The following SLC1A7 variants were observed in gnomAD, a reference collection of about 807,000 sequenced individuals.
The protein encoded by SLC1A7 is excitatory amino acid transporter 5.
Under a neutral mutation model 47.7 loss-of-function variants are expected in SLC1A7, and 40 were observed. The observed-to-expected ratio is 0.84, with a 90% CI of 0.65 to 1.09. The LOEUF (loss-of-function observed/expected upper bound fraction) is 1.09. SLC1A7 is among the 50% of genes least tolerant of loss of function. The pLI is 0.00. For synonymous variants in SLC1A7, 323 were observed against 325.6 expected (o/e 0.99, Z 0.09); for missense variants, 746 against 769.5 (o/e 0.97, Z 0.36).
At chr1:53,122,945 G>T (rs79675389) in intron 2 of SLC1A7, among the ~76,000 whole-genome samples, 1 of 152,182 alleles carries the variant, frequency 6.6e-6, no homozygotes, top group Non-Finnish European at 1.5e-5. Context: ...GTGGGGCTCA[G>T]AGTGTGGGCG....
At chr1:53,097,445 TCA>T (rs566235317) in intron 5 of SLC1A7, among the ~76,000 whole-genome samples, 1 of 131,672 alleles carries the variant, frequency 7.6e-6, no homozygotes, top group Non-Finnish European at 1.6e-5. Flanking sequence ...CTCGGTACAC[TCA>T]CACACAGTGC....
intron 2 of SLC1A7, among the ~76,000 whole-genome samples, chr1:53,120,697 C>A (rs1296205721): frequency 6.6e-6 from 1 of 152,244 alleles, no homozygotes; most frequent in African/African-American, 2.4e-5. Flanking sequence ...CCTGTGCTTC[C>A]CAGTTTGTTA....
chr1:53,142,009 AC>A (rs1455945310), intron 1 of SLC1A7, among the ~76,000 whole-genome samples: 7 of 144,726 alleles, frequency 4.8e-5, no homozygotes, highest in African/African-American at 1.5e-4. Context: ...CTCACACAAG[AC>A]CCCCCTCTTT....
chr1:53,142,235 A>T (rs1238779520), intron 1 of SLC1A7, 80 bp downstream of exon 1: 1 of 1,451,676 alleles, frequency 6.9e-7, no homozygotes, highest in Non-Finnish European at 9.2e-7. Flanking sequence ...GGGAGCTGTG[A>T]TGCTAGAACG....
chr1:53,090,564 G>GT, intron 8 of SLC1A7, 48 bp downstream of exon 8: 1 of 1,496,090 alleles, frequency 6.7e-7, no homozygotes, highest in Non-Finnish European at 8.9e-7. Context: ...GAATCCCCAA[G>GT]GCCCCCAGCC....
intron 10 of SLC1A7, 39 bp downstream of exon 10, chr1:53,088,838 T>C (rs1484450141): frequency 1.3e-6 from 2 of 1,553,730 alleles, no homozygotes; most frequent in Non-Finnish European, 1.8e-6. Context: ...CCTGCGTGGC[T>C]CCACCCTCCT....
At chr1:53,133,509 G>A (rs1182580726) in intron 2 of SLC1A7, among the ~76,000 whole-genome samples, 1 of 152,110 alleles carries the variant, frequency 6.6e-6, no homozygotes, top group Non-Finnish European at 1.5e-5. Context: ...CGCATGCAGA[G>A]GCTCATCCTC....
chr1:53,098,781 ACAGT>A (rs1320351300), intron 5 of SLC1A7, among the ~76,000 whole-genome samples: 1 of 146,834 alleles, frequency 6.8e-6, no homozygotes, highest in Non-Finnish European at 1.5e-5. Flanking sequence ...TTTCTTCGGT[ACAGT>A]CACACAACCT....
chr1:53,111,523 G>A (rs1003861848), intron 3 of SLC1A7, among the ~76,000 whole-genome samples: 27 of 152,306 alleles, frequency 1.8e-4, no homozygotes, highest in African/African-American at 5.5e-4. Flanking sequence ...CGGCAATGGC[G>A]GGAGTGGCAG....
chr1:53,120,602 T>TC lies in SLC1A7; in HGVS notation c.216-5630dup, dbSNP rs1557683957. The stretch of plus-strand genomic sequence containing the variant: ...TCCCTTCCCCAACCCTGGCCCAATG[T>TC]CCCCAACCCTGGGTCAGCTTAGACA... On this transcript the variant is annotated intron_variant, in intron 2 of 10. Coordinates refer to ENST00000371494, the MANE Select transcript of SLC1A7 (RefSeq NM_006671.6). 2.0e-5 allele frequency among the ~76,000 whole-genome samples: 3 copies of TC among 152,198 alleles called. No individual in the cohort carries two copies. In the South Asian group the frequency reaches 6.2e-4, roughly 32 times the overall value.
At chr1:53,094,691 C>T (rs1389412464) in intron 5 of SLC1A7, among the ~76,000 whole-genome samples, 1 of 152,204 alleles carries the variant, frequency 6.6e-6, no homozygotes, top group African/African-American at 2.4e-5. Flanking sequence ...GTCTTCCTGC[C>T]GCCTGGCTGA....
At chr1:53,103,820 T>C (rs4926953) in intron 4 of SLC1A7, among the ~76,000 whole-genome samples, 20,095 of 151,938 alleles carry the variant, frequency 0.13, 1,483 homozygotes, top group Middle Eastern at 0.18. Context: ...CTTACTTCTA[T>C]ACCTCATCAC....
Position 53,123,126 on chromosome 1 carries a change from C to T in SLC1A7, c.216-8153G>A, listed in dbSNP as rs963856432. ...GCAGCCCTCAGAGCTCACTGTCAGACTGCCGGCCATTCTCAACCATTCTCC... is the reference window on the plus strand; with the variant it reads ...GCAGCCCTCAGAGCTCACTGTCAGATTGCCGGCCATTCTCAACCATTCTCC... On this transcript the variant is annotated intron_variant, in intron 2 of 10. Coordinates refer to ENST00000371494, the MANE Select transcript of SLC1A7 (RefSeq NM_006671.6). 2.0e-5 allele frequency among the ~76,000 whole-genome samples: 3 copies of T among 152,356 alleles called. No homozygotes were observed. In the Middle Eastern group the frequency reaches 0.01, roughly 518 times the overall value.
chr1:53,117,799 T>C (rs978457661), intron 2 of SLC1A7, among the ~76,000 whole-genome samples: 3 of 152,078 alleles, frequency 2.0e-5, no homozygotes, highest in Admixed American at 1.3e-4. Context: ...CAGGGACAGA[T>C]TGAGATGTGG....
At chr1:53,116,315 C>G (rs1234159695) in intron 2 of SLC1A7, 1 of 152,444 alleles carries the variant, frequency 6.6e-6, no homozygotes, top group African/African-American at 2.4e-5. Context: ...TCTGGCTCCA[C>G]AGTCCCTGTG....
chr1:53,093,045 C>T (rs569832915), intron 6 of SLC1A7, among the ~76,000 whole-genome samples: 5 of 152,318 alleles, frequency 3.3e-5, no homozygotes, highest in South Asian at 2.1e-4. Context: ...GGCCCAACAA[C>T]GCCAGAGTCT....
At chr1:53,106,441 A>G (rs1254304063) in intron 3 of SLC1A7, among the ~76,000 whole-genome samples, 1 of 151,686 alleles carries the variant, frequency 6.6e-6, no homozygotes, top group East Asian at 1.9e-4. Context: ...CGTCTCTACT[A>G]AAAATACAAA....
At chr1:53,137,078 A>C (rs747521125) in intron 1 of SLC1A7, among the ~76,000 whole-genome samples, 1 of 152,122 alleles carries the variant, frequency 6.6e-6, no homozygotes, top group Non-Finnish European at 1.5e-5. Flanking sequence ...CTTGAGGTTA[A>C]GAGTTCGAGA....
intron 4 of SLC1A7, among the ~76,000 whole-genome samples, chr1:53,105,451 C>T (rs567860179): frequency 1.3e-5 from 2 of 152,136 alleles, no homozygotes; most frequent in East Asian, 1.9e-4. Flanking sequence ...TGTGGATGGG[C>T]GAGATGGTGT....
Sources: gnomAD v4.1 joint callset for allele counts (sites outside exome capture counted in the v4.1 genomes callset) on GRCh38, gnomAD v4.1.1 for gene constraint, MANE v1.5 for transcripts, NCBI Gene and HGNC (gene_info 2026-07-23, HGNC 2026-07-21) for gene names.